Variants in CEP112 observed in about 807,000 individuals in gnomAD.
CEP112 encodes centrosomal protein of 112 kDa.
In CEP112, 127 loss-of-function variants were observed where a neutral mutation model predicts 153.0. That is an observed-to-expected ratio of 0.83 (90% CI 0.72 to 0.96). The LOEUF is 0.96. Among genes scored for constraint, CEP112 ranks in the 40% least tolerant of loss-of-function variants. The pLI, the probability that CEP112 is intolerant of heterozygous loss-of-function variation, is 0.00. For missense variants in CEP112, 1,089 were observed against 1,101.2 expected (o/e 0.99, Z 0.16); for synonymous variants, 358 against 374.4 (o/e 0.96, Z 0.51).
chr17:65,825,684 A>G (rs1437692888), intron 21 of CEP112, among the ~76,000 whole-genome samples: 2 of 152,200 alleles, frequency 1.3e-5, no homozygotes, highest in Non-Finnish European at 1.5e-5. Context: ...AATAGTTATC[A>G]TAACTTAAAA....
intron 12 of CEP112, among the ~76,000 whole-genome samples, chr17:66,034,213 T>G (rs1310972556): frequency 6.6e-6 from 1 of 152,196 alleles, no homozygotes; most frequent in Non-Finnish European, 1.5e-5. Context: ...CTGGCCATAT[T>G]ATAGAAAATA....
At chr17:65,649,527 G>GC (rs2045624433) in intron 24 of CEP112, among the ~76,000 whole-genome samples, 1 of 151,808 alleles carries the variant, frequency 6.6e-6, no homozygotes, top group Non-Finnish European at 1.5e-5. Context: ...GACCAGCCTG[G>GC]GCAACATAAT....
At chr17:66,109,313 A>T (rs1272665891) in intron 6 of CEP112, among the ~76,000 whole-genome samples, 1 of 152,192 alleles carries the variant, frequency 6.6e-6, no homozygotes, top group African/African-American at 2.4e-5. Flanking sequence ...GTTTGAGATG[A>T]CAGATACCCA....
chr17:65,681,187 G>T (rs1281199233), intron 24 of CEP112, among the ~76,000 whole-genome samples: 1 of 152,156 alleles, frequency 6.6e-6, no homozygotes, highest in African/African-American at 2.4e-5. Flanking sequence ...GAAGATGACA[G>T]ATCGGGTCCT....
At chr17:66,175,343 TAAAA>T in intron 3 of CEP112, 127 bp from the exon 4 acceptor site, 1 of 614,902 alleles carries the variant, frequency 1.6e-6, no homozygotes, top group Non-Finnish European at 2.7e-6. Flanking sequence ...TTCAAACATT[TAAAA>T]AATTAAATGT....
chr17:66,100,243 C>CA (rs915328694), intron 6 of CEP112, among the ~76,000 whole-genome samples: 3 of 151,410 alleles, frequency 2.0e-5, no homozygotes, highest in Admixed American at 6.6e-5. Context: ...ACTAAAAATA[C>CA]AAAAAAATTA....
At chr17:65,789,256 A>G (rs912039554) in intron 21 of CEP112, among the ~76,000 whole-genome samples, 10 of 152,186 alleles carry the variant, frequency 6.6e-5, no homozygotes, top group African/African-American at 2.2e-4. Flanking sequence ...CAGTCCTGCC[A>G]ACTTTTACTT....
At chr17:65,870,065 G>GAAAGA (rs1555689541) in intron 20 of CEP112, among the ~76,000 whole-genome samples, 1,063 of 79,314 alleles carry the variant, frequency 0.013, 57 homozygotes, top group African/African-American at 0.025. Flanking sequence ...AAGAAAGAAA[G>GAAAGA]AAAGAAAGAA....
chr17:65,706,993 C>T (rs1156881450), intron 23 of CEP112, among the ~76,000 whole-genome samples: 3 of 152,144 alleles, frequency 2.0e-5, no homozygotes, highest in African/African-American at 7.2e-5. Flanking sequence ...CCACATGTTC[C>T]CTCCCAAAGA....
chr17:65,957,237 G>C (rs118011793), intron 18 of CEP112, among the ~76,000 whole-genome samples: 1 of 151,984 alleles, frequency 6.6e-6, no homozygotes, highest in Non-Finnish European at 1.5e-5. Context: ...AAAAGTAAAC[G>C]TAAAAAAATA....
intron 21 of CEP112, among the ~76,000 whole-genome samples, chr17:65,752,190 C>T (rs931224127): frequency 2.0e-5 from 3 of 152,056 alleles, no homozygotes; most frequent in African/African-American, 7.2e-5. Context: ...CTGTTTTGGT[C>T]TTTGTCTTTC....
At chr17:65,979,254 T>C (rs184403249) in intron 17 of CEP112, among the ~76,000 whole-genome samples, 1 of 151,986 alleles carries the variant, frequency 6.6e-6, no homozygotes, top group Admixed American at 6.6e-5. Context: ...TTATTTATTT[T>C]TTGCTTTTTG....
chr17:65,800,142 C>T (rs2055177904), intron 21 of CEP112, among the ~76,000 whole-genome samples: 1 of 152,232 alleles, frequency 6.6e-6, no homozygotes, highest in African/African-American at 2.4e-5. Flanking sequence ...TCATTTACCA[C>T]AAAACACACC....
intron 8 of CEP112, among the ~76,000 whole-genome samples, chr17:66,086,217 A>C (rs1275071669): frequency 6.6e-6 from 1 of 152,034 alleles, no homozygotes; most frequent in Non-Finnish European, 1.5e-5. Context: ...AATATTACCC[A>C]GCAACAATAA....
Position 65,920,362 on chromosome 17 carries a change from AATATATATATATATATATATATATAT to A in CEP112, c.1980+7194_1980+7219del, listed in dbSNP as rs55934550. 6.1e-4 allele frequency among the ~76,000 whole-genome samples: 26 copies of A among 42,784 alleles called. 1 individual carries two copies. Among genetic ancestry groups the A allele is most frequent in the Middle Eastern group, 0.013 (1 of 76 alleles). 28.1% of individuals were successfully genotyped at this position (42,784 alleles called of 152,430 possible). ...ACTCTGTCTAAAAACAAACAAACAA[AATATATATATATATATATATATATAT>A]ATATATATATATATATAATTATAAT... On this transcript the variant is annotated intron_variant, in intron 19 of 26. Transcript: ENST00000535342.
intron 24 of CEP112, among the ~76,000 whole-genome samples, chr17:65,684,181 C>T (rs1032036126): frequency 2.6e-5 from 4 of 152,228 alleles, no homozygotes; most frequent in African/African-American, 9.6e-5. Flanking sequence ...CGTTTCTTCT[C>T]AGACCTAACA....
chr17:66,094,719 A>G (rs1188727666), intron 8 of CEP112, among the ~76,000 whole-genome samples: 3 of 152,192 alleles, frequency 2.0e-5, no homozygotes, highest in Non-Finnish European at 4.4e-5. Context: ...GACAGCCTAC[A>G]CAATGAGAAA....
chr17:65,660,484 TTCCTTCCTTCC>T (rs1296267274), intron 24 of CEP112, among the ~76,000 whole-genome samples: 1 of 100,402 alleles, frequency 1.0e-5, no homozygotes, highest in African/African-American at 5.7e-5. Context: ...CCTTCCTTCC[TTCCTTCCTTCC>T]TTCCTTCCTT....
intron 21 of CEP112, among the ~76,000 whole-genome samples, chr17:65,834,740 T>C (rs1219168083): frequency 6.6e-6 from 1 of 152,184 alleles, no homozygotes; most frequent in Non-Finnish European, 1.5e-5. Flanking sequence ...ACTTATACAC[T>C]GTCTGTGGGA....
Sources: gnomAD v4.1 joint callset for allele counts (sites outside exome capture counted in the v4.1 genomes callset) on GRCh38, gnomAD v4.1.1 for gene constraint, MANE v1.5 for transcripts, NCBI Gene and HGNC (gene_info 2026-07-23, HGNC 2026-07-21) for gene names.